The following RUFY2 variants were observed in gnomAD, a reference collection of about 807,000 sequenced individuals.
RUFY2 encodes RUN and FYVE domain containing 2, also known as RUN and FYVE domain-containing protein 2.
RUFY2 carries 49 observed loss-of-function variants against 94.4 expected under a neutral mutation model. The ratio of observed to expected loss-of-function variants is 0.52; its 90% CI spans 0.41 to 0.66. RUFY2 has a LOEUF of 0.66. Among genes scored for constraint, RUFY2 ranks in the 30% least tolerant of loss-of-function variants. The pLI is 0.00. For missense variants in RUFY2, 541 were observed against 692.8 expected (o/e 0.78, Z 2.46); for synonymous variants, 255 against 235.7 (o/e 1.08, Z -0.75).
At chr10:68,394,935 T>C (rs1167744329) in intron 4 of RUFY2, among the ~76,000 whole-genome samples, 4 of 151,812 alleles carry the variant, frequency 2.6e-5, no homozygotes, top group African/African-American at 9.7e-5. Context: ...AGCCAACTTT[T>C]CATATTTTTT....
chr10:68,349,627 C>G (rs1476184128), intron 16 of RUFY2, among the ~76,000 whole-genome samples: 1 of 151,944 alleles, frequency 6.6e-6, no homozygotes, highest in Non-Finnish European at 1.5e-5. Context: ...CAAGCTCCGC[C>G]TCCCGGGTTC....
rs1299250599 is a variant in RUFY2, at chr10:68,359,735, T to C, written c.1550+3855A>G. Among the ~76,000 whole-genome samples the C allele has an allele frequency of 3.3e-5, 5 of 149,284 alleles. No individual in the cohort carries two copies. The South Asian group carries it at 1.1e-3, about 32-fold the overall frequency. On this transcript the variant is annotated intron_variant, in intron 15 of 17. Transcript: ENST00000602465. ...TGAACCTGGGAGGTGGAGGTTGCAG[T>C]GAGCCGAGATTGCACCACTGCAGTC...
At chr10:68,391,876 C>T (rs188276251) in intron 7 of RUFY2, among the ~76,000 whole-genome samples, 26 of 150,678 alleles carry the variant, frequency 1.7e-4, no homozygotes, top group East Asian at 8.1e-4. Flanking sequence ...GTAGGAGAAT[C>T]GCTAGAACCC....
chr10:68,402,303 T>G (rs971315638), intron 2 of RUFY2, among the ~76,000 whole-genome samples: 2 of 152,114 alleles, frequency 1.3e-5, no homozygotes, highest in African/African-American at 4.8e-5. Context: ...AATTGTGAAT[T>G]TCCTTTTCCT....
chr10:68,403,526 A>T (rs1353705888), intron 2 of RUFY2, among the ~76,000 whole-genome samples: 1 of 152,202 alleles, frequency 6.6e-6, no homozygotes, highest in Non-Finnish European at 1.5e-5. Flanking sequence ...TGCTGGGATT[A>T]CAGGTGCCCA....
intron 13 of RUFY2, among the ~76,000 whole-genome samples, chr10:68,373,917 C>T (rs1027533714): frequency 1.3e-5 from 2 of 151,758 alleles, no homozygotes; most frequent in Non-Finnish European, 2.9e-5. Context: ...TCAGTGTGGG[C>T]AACATACCAA....
intron 15 of RUFY2, 39 bp downstream of exon 15, chr10:68,363,551 T>C: frequency 7.6e-7 from 1 of 1,312,906 alleles, no homozygotes; most frequent in Non-Finnish European, 1.1e-6. Context: ...TTTATAAAAG[T>C]CAATAATGAC....
At chr10:68,363,430 C>A (rs1589821661) in intron 15 of RUFY2, among the ~76,000 whole-genome samples, 160 bp downstream of exon 15, 1 of 152,282 alleles carries the variant, frequency 6.6e-6, no homozygotes, top group East Asian at 1.9e-4. Flanking sequence ...CCGCCTCGGC[C>A]AGGAATTACA....
chr10:68,345,076 AAAAG>A lies in RUFY2; in HGVS notation c.*688_*691del, dbSNP rs535149982. 7.9e-5 allele frequency: 12 copies of A among 152,390 alleles called. No individual in the cohort carries two copies. Among genetic ancestry groups the A allele is most frequent in the South Asian group, 6.2e-4 (3 of 4,830 alleles). The allele number at this position is 152,390 out of a possible 1,614,324, so 9.4% of individuals were successfully genotyped here. On this transcript the variant is annotated 3_prime_UTR_variant, in exon 18 of 18. Transcript: ENST00000602465. ...CATATGGGAAGATTTATAAATCAGG[AAAAG>A]AAAGATGGTTATATGTAACTTCCTT...
intron 7 of RUFY2, among the ~76,000 whole-genome samples, chr10:68,387,978 G>A (rs1378208877): frequency 6.6e-6 from 1 of 152,114 alleles, no homozygotes; most frequent in Non-Finnish European, 1.5e-5. Context: ...ACTCCAGCCT[G>A]GGTGACAGGG....
intron 4 of RUFY2, 143 bp from the exon 5 acceptor site, chr10:68,394,594 C>T (rs1023251354): frequency 2.7e-5 from 11 of 404,328 alleles, no homozygotes; most frequent in African/African-American, 1.2e-4. Context: ...AGCCTTTATA[C>T]GTGTGAATAA....
chr10:68,352,172 G>A (rs1026069714), intron 16 of RUFY2, among the ~76,000 whole-genome samples: 2 of 151,940 alleles, frequency 1.3e-5, no homozygotes, highest in Non-Finnish European at 2.9e-5. Context: ...TACTACCCAG[G>A]CTGGTCTCAA....
At chr10:68,368,277 T>C (rs1282389180) in intron 13 of RUFY2, among the ~76,000 whole-genome samples, 1 of 150,156 alleles carries the variant, frequency 6.7e-6, no homozygotes, top group Non-Finnish European at 1.5e-5. Context: ...CTGTAGGTTT[T>C]TAACCACAGT....
At chr10:68,405,219 A>G (rs1464571062) in intron 1 of RUFY2, among the ~76,000 whole-genome samples, 2 of 151,200 alleles carry the variant, frequency 1.3e-5, no homozygotes, top group Admixed American at 1.3e-4. Flanking sequence ...AGGCTGAAGC[A>G]GGAGAGTCAC....
In RUFY2 at chr10:68,354,168, A is replaced by T. The variant is rs567581824; in HGVS notation, c.1599+1185T>A. On this transcript the variant is annotated intron_variant, in intron 16 of 17. Coordinates refer to ENST00000602465, the MANE Select transcript of RUFY2 (RefSeq NM_001330103.2). ...ATATTATTTGGAGTTAAATCTTCTTAGTATAATTTTTTAAAAATGATTTTC... is the reference window on the plus strand; with the variant it reads ...ATATTATTTGGAGTTAAATCTTCTTTGTATAATTTTTTAAAAATGATTTTC... 2.4e-3 allele frequency among the ~76,000 whole-genome samples: 364 copies of T among 152,142 alleles called. 1 individual carries two copies. Among genetic ancestry groups the T allele is most frequent in the Non-Finnish European group, 4.4e-3 (302 of 68,000 alleles).
chr10:68,341,559 T>C (rs754642956), downstream of RUFY2: 2 of 1,445,712 alleles, frequency 1.4e-6, no homozygotes, highest in Non-Finnish European at 9.6e-7. Flanking sequence ...CTTTCTCCCC[T>C]GTTACTCTTT....
intron 2 of RUFY2, among the ~76,000 whole-genome samples, chr10:68,403,207 T>TA (rs1385901908): frequency 2.1e-5 from 3 of 146,118 alleles, no homozygotes; most frequent in Non-Finnish European, 4.5e-5. Flanking sequence ...CAATTACAGT[T>TA]AAAGAAAAAA....
intron 16 of RUFY2, 40 bp downstream of exon 16, chr10:68,355,313 T>A (rs1488244209): frequency 1.3e-6 from 2 of 1,496,154 alleles, no homozygotes; most frequent in South Asian, 2.3e-5. Context: ...CATTGGAGAC[T>A]TTCACATACC....
intron 13 of RUFY2, among the ~76,000 whole-genome samples, chr10:68,366,759 T>TATATATAA (rs1235098742): frequency 4.9e-4 from 65 of 131,844 alleles, no homozygotes; most frequent in Middle Eastern, 3.8e-3. Flanking sequence ...TATATATATA[T>TATATATAA]AATATTAAAT....
Sources: allele counts gnomAD v4.1 joint callset (sites outside exome capture counted in the v4.1 genomes callset), GRCh38; gene constraint gnomAD v4.1.1; transcripts MANE v1.5; gene names NCBI Gene and HGNC (gene_info 2026-07-23, HGNC 2026-07-21).